CHST9: variants seen among roughly 807,000 people sequenced by gnomAD.
CHST9 encodes the protein GalNAc-4-sulfotransferase 2.
A neutral mutation model predicts 44.4 loss-of-function variants in CHST9; 41 were observed. That is an observed-to-expected ratio of 0.92 (90% CI 0.72 to 1.20). The LOEUF is 1.20. CHST9 is among the 50% of genes most tolerant of loss of function. The pLI, the probability that CHST9 is intolerant of heterozygous loss-of-function variation, is 0.00. For missense variants in CHST9, 504 were observed against 516.5 expected (o/e 0.98, Z 0.23); for synonymous variants, 171 against 178.4 (o/e 0.96, Z 0.33).
At chr18:27,119,615 A>T (rs1043074328) in intron 2 of CHST9, among the ~76,000 whole-genome samples, 25 of 149,120 alleles carry the variant, frequency 1.7e-4, no homozygotes, top group African/African-American at 6.1e-4. Context: ...CTTAGGTTGC[A>T]GGTGATAATT....
rs577882352 is a variant in CHST9, at chr18:27,028,742, GT to G, written c.161-4586del. On this transcript the variant is annotated intron_variant, in intron 3 of 5. Coordinates refer to ENST00000618847, the MANE Select transcript of CHST9 (RefSeq NM_031422.6). Reference sequence around the variant, plus strand: ...TTTTTGTATTTTTAGTACAGAGGTGGTTTCACCATGTTAGCCAGGATGGTCT... The same window carrying G: ...TTTTTGTATTTTTAGTACAGAGGTGGTTCACCATGTTAGCCAGGATGGTCT... 3.8e-3 allele frequency among the ~76,000 whole-genome samples: 579 copies of G among 151,932 alleles called. 4 individuals carry two copies. Among genetic ancestry groups the G allele is most frequent in the Non-Finnish European group, 6.2e-3 (420 of 67,950 alleles).
chr18:26,971,619 G>C (rs1409502848), intron 4 of CHST9, among the ~76,000 whole-genome samples: 1 of 152,220 alleles, frequency 6.6e-6, no homozygotes, highest in Non-Finnish European at 1.5e-5. Context: ...CATCTAGAAA[G>C]GTGCAGATGC....
intron 2 of CHST9, among the ~76,000 whole-genome samples, chr18:27,057,377 G>C (rs1347529856): frequency 1.3e-5 from 2 of 152,218 alleles, no homozygotes; most frequent in African/African-American, 4.8e-5. Context: ...CATAGCTTCT[G>C]TGTGGTCAAT....
intron 4 of CHST9, among the ~76,000 whole-genome samples, chr18:26,999,303 A>T (rs1383543187): frequency 2.0e-5 from 3 of 152,208 alleles, no homozygotes; most frequent in African/African-American, 4.8e-5. Context: ...ATTACTTTTT[A>T]AAAATAAAAA....
At chr18:27,174,792 C>A (rs1258946636) in intron 1 of CHST9, among the ~76,000 whole-genome samples, 2 of 151,998 alleles carry the variant, frequency 1.3e-5, no homozygotes, top group African/African-American at 2.4e-5. Flanking sequence ...GTGCTCTAAT[C>A]CATTACATAC....
chr18:27,100,022 T>G (rs1233687300), intron 2 of CHST9, among the ~76,000 whole-genome samples: 1 of 6,052 alleles, frequency 1.7e-4, no homozygotes, highest in Non-Finnish European at 3.2e-4. Context: ...TATATAATGA[T>G]ATATATATAT....
intron 4 of CHST9, among the ~76,000 whole-genome samples, chr18:27,019,736 G>T (rs1478547986): frequency 6.8e-6 from 1 of 147,524 alleles, no homozygotes; most frequent in Non-Finnish European, 1.5e-5. Flanking sequence ...TTAATGACAT[G>T]CCACTGTACA....
chr18:27,024,506 A>C (rs1236616910), intron 3 of CHST9, among the ~76,000 whole-genome samples: 1 of 152,182 alleles, frequency 6.6e-6, no homozygotes, highest in Non-Finnish European at 1.5e-5. Flanking sequence ...GATTCTCAGC[A>C]TTCCATCCCA....
intron 2 of CHST9, among the ~76,000 whole-genome samples, chr18:27,083,892 G>A (rs1237022362): frequency 2.0e-5 from 3 of 152,112 alleles, no homozygotes; most frequent in African/African-American, 7.2e-5. Context: ...TATCTATTGA[G>A]ATAATCATGT....
intron 5 of CHST9, among the ~76,000 whole-genome samples, chr18:26,940,493 T>G (rs2056067048): frequency 6.6e-6 from 1 of 152,130 alleles, no homozygotes; most frequent in African/African-American, 2.4e-5. Context: ...CTCAGCAAGA[T>G]GATATTTTAA....
chr18:26,924,854 G>T (rs879863032), intron 5 of CHST9: 1 of 152,164 alleles, frequency 6.6e-6, no homozygotes, highest in African/African-American at 2.4e-5. Flanking sequence ...ATGTGAGTAC[G>T]GAGTCCTAAT....
chr18:27,057,668 A>G (rs1017520875), intron 2 of CHST9, among the ~76,000 whole-genome samples: 2 of 152,254 alleles, frequency 1.3e-5, no homozygotes, highest in Non-Finnish European at 2.9e-5. Flanking sequence ...CTTCAGAAAC[A>G]TATCGATACA....
chr18:27,064,983 G>C (rs1232817741), intron 2 of CHST9, among the ~76,000 whole-genome samples: 1 of 152,156 alleles, frequency 6.6e-6, no homozygotes, highest in African/African-American at 2.4e-5. Flanking sequence ...ATACAAATAA[G>C]GTCTGTAATG....
At chr18:27,052,340 A>T (rs1486349571) in intron 2 of CHST9, among the ~76,000 whole-genome samples, 1 of 151,910 alleles carries the variant, frequency 6.6e-6, no homozygotes, top group Non-Finnish European at 1.5e-5. Flanking sequence ...GTGTGTATAT[A>T]TATTTATACA....
chr18:26,952,528 A>G (rs559629350), intron 4 of CHST9: 3 of 460,392 alleles, frequency 6.5e-6, no homozygotes, highest in South Asian at 5.4e-5. Flanking sequence ...AGCACTTGGT[A>G]CCTGGGTGTA....
chr18:26,985,196 A>G (rs2056740004), intron 4 of CHST9, among the ~76,000 whole-genome samples: 1 of 152,202 alleles, frequency 6.6e-6, no homozygotes, highest in Non-Finnish European at 1.5e-5. Flanking sequence ...ATGCAACAAC[A>G]TGGATGAATT....
intron 2 of CHST9, among the ~76,000 whole-genome samples, chr18:27,072,153 T>C (rs1399627351): frequency 6.6e-6 from 1 of 152,212 alleles, no homozygotes; most frequent in Non-Finnish European, 1.5e-5. Context: ...AAACTAATAG[T>C]GAGCTTGTGA....
At chr18:27,087,247 T>A (rs1598712377) in intron 2 of CHST9, among the ~76,000 whole-genome samples, 1 of 152,154 alleles carries the variant, frequency 6.6e-6, no homozygotes, top group African/African-American at 2.4e-5. Flanking sequence ...AATGTCAGCA[T>A]GAAGATAGTA....
At chr18:27,073,730 C>T (rs1322336286) in intron 2 of CHST9, among the ~76,000 whole-genome samples, 2 of 151,932 alleles carry the variant, frequency 1.3e-5, no homozygotes, top group Non-Finnish European at 1.5e-5. Context: ...CCCCTACTCC[C>T]CCGCAACCCC....
Sources: gnomAD v4.1 joint callset for allele counts (sites outside exome capture counted in the v4.1 genomes callset) on GRCh38, gnomAD v4.1.1 for gene constraint, MANE v1.5 for transcripts, NCBI Gene and HGNC (gene_info 2026-07-23, HGNC 2026-07-21) for gene names.